The following MATR3 variants were observed in gnomAD, a reference collection of about 807,000 sequenced individuals.
MATR3 encodes the protein matrin 3, also known as matrin-3.
In MATR3, 4 loss-of-function variants were observed where a neutral mutation model predicts 85.5. That is an observed-to-expected ratio of 0.05 (90% confidence interval 0.02 to 0.11). The LOEUF (loss-of-function observed/expected upper bound fraction) is 0.11, where lower values mean the gene tolerates loss of function less well. Ranked by LOEUF, MATR3 falls within the 10% of genes least tolerant of loss-of-function variation. The pLI is 1.00. For synonymous variants in MATR3, 336 were observed against 343.1 expected (o/e 0.98, Z 0.23); for missense variants, 685 against 1,016.1 (o/e 0.67, Z 4.43).
At chr5:139,305,202 A>AT (rs1754646390) in intron 1 of MATR3, among the ~76,000 whole-genome samples, 1 of 152,108 alleles carries the variant, frequency 6.6e-6, no homozygotes, top group Non-Finnish European at 1.5e-5. Flanking sequence ...TTTTTCTGAC[A>AT]TTCATTTTCT....
chr5:139,308,387 A>G (rs1481437404), intron 2 of MATR3, 60 bp downstream of exon 2: 16 of 1,585,952 alleles, frequency 1.0e-5, no homozygotes, highest in Non-Finnish European at 1.4e-5. Context: ...ATTTACCTAT[A>G]TCTTTGACTC....
At chr5:139,298,293 T>G (rs1194363970) in intron 1 of MATR3, among the ~76,000 whole-genome samples, 1 of 152,190 alleles carries the variant, frequency 6.6e-6, no homozygotes, top group Non-Finnish European at 1.5e-5. Flanking sequence ...AACATTTGGC[T>G]GGGTGCAGTG....
At chr5:139,303,136 C>T (rs1754538047) in intron 1 of MATR3, among the ~76,000 whole-genome samples, 1 of 151,536 alleles carries the variant, frequency 6.6e-6, no homozygotes, top group South Asian at 2.1e-4. Flanking sequence ...GATGTTTGCT[C>T]TGTGGCCCAG....
intron 9 of MATR3, among the ~76,000 whole-genome samples, chr5:139,319,815 G>A (rs977755521): frequency 7.0e-6 from 1 of 143,030 alleles, no homozygotes; most frequent in Non-Finnish European, 1.5e-5. Context: ...CTGCACTCCA[G>A]CCTGGGCAGC....
In MATR3 at chr5:139,329,725, T is replaced by G; in HGVS notation, c.*330T>G. 1 of 459,286 alleles carries G rather than the reference T, an allele frequency of 2.2e-6. No individual in the cohort carries two copies. The highest frequency in any genetic ancestry group is 4.3e-6 in the Non-Finnish European group (1 of 230,338). 28.5% of individuals were successfully genotyped at this position (459,286 alleles called of 1,614,324 possible). A position where few individuals can be genotyped will look rare whatever the true frequency, so the allele number is the denominator to read the frequency against. ...AAAAATGAAATTTAGTAGTTCCAAG[T>G]TTCAAAGAAATGTCAACATTTTATT... On this transcript the variant is annotated 3_prime_UTR_variant, in exon 15 of 15. Coordinates refer to ENST00000394805, the MANE Select transcript of MATR3 (RefSeq NM_018834.6).
chr5:139,319,256 G>GTTTA (rs1755415990), intron 8 of MATR3, 78 bp from the exon 9 acceptor site: 1 of 1,440,434 alleles, frequency 6.9e-7, no homozygotes, highest in Admixed American at 1.7e-5. Flanking sequence ...TAAAACAATT[G>GTTTA]GTAAAGACTA....
chr5:139,314,346 A>C, intron 2 of MATR3: 2 of 332,252 alleles, frequency 6.0e-6, no homozygotes, highest in East Asian at 7.0e-5. Context: ...TTTGGTCCAC[A>C]GTAAAAATTA....
intron 7 of MATR3, among the ~76,000 whole-genome samples, chr5:139,318,692 G>C (rs1241679693): frequency 6.6e-6 from 1 of 152,250 alleles, no homozygotes; most frequent in African/African-American, 2.4e-5. Context: ...TGATCCGCCT[G>C]CCTCGGCCTC....
chr5:139,300,161 G>A (rs897174245), intron 1 of MATR3, among the ~76,000 whole-genome samples: 1 of 152,130 alleles, frequency 6.6e-6, no homozygotes, highest in African/African-American at 2.4e-5. Flanking sequence ...TCAGGAGTTC[G>A]AGACCAGTCT....
At chr5:139,299,099 A>C (rs897823600) in intron 1 of MATR3, among the ~76,000 whole-genome samples, 2 of 152,184 alleles carry the variant, frequency 1.3e-5, no homozygotes, top group African/African-American at 2.4e-5. Context: ...TGCTATGTAG[A>C]TTTATTTCCA....
chr5:139,275,125 G>T (rs946583916), intron 1 of MATR3, among the ~76,000 whole-genome samples: 19 of 138,850 alleles, frequency 1.4e-4, no homozygotes, highest in Non-Finnish European at 2.3e-4. Flanking sequence ...ACAGGTGCCC[G>T]CCACCACGCC....
At chr5:139,313,137 G>A (rs1310585266) in intron 2 of MATR3, 1 of 150,046 alleles carries the variant, frequency 6.7e-6, no homozygotes, top group African/African-American at 2.5e-5. Flanking sequence ...ATTTAGTTCA[G>A]CTCTCAGTGA....
chr5:139,285,836 T>A (rs1478340478), intron 3 of MATR3, among the ~76,000 whole-genome samples: 1 of 151,784 alleles, frequency 6.6e-6, no homozygotes, highest in Non-Finnish European at 1.5e-5. Flanking sequence ...AAAGAATCAA[T>A]GAACTTGAGA....
chr5:139,293,800 C>T lies in MATR3; in HGVS notation c.-183C>T, dbSNP rs1753977445. 5 of 402,710 alleles carry T rather than the reference C, an allele frequency of 1.2e-5. No individual in the cohort carries two copies. The East Asian group carries it at 1.8e-4, about 14-fold the overall frequency. The allele number at this position is 402,710 out of a possible 1,614,324, so 24.9% of individuals were successfully genotyped here. On this transcript the variant is annotated 5_prime_UTR_variant, in exon 1 of 15. Coordinates refer to ENST00000394805, the MANE Select transcript of MATR3 (RefSeq NM_018834.6). ...ACCTCTCCTTTTCCCTCTCCCTTTC[C>T]CTAAGGTAGGCGTGAAGCGGGTAAG...
rs1007298977 is a variant in MATR3 at position 139,330,817 on chromosome 5, A to C, written c.*1422A>C. On this transcript the variant is annotated 3_prime_UTR_variant, in exon 15 of 15. Transcript: ENST00000394805. The stretch of plus-strand genomic sequence containing the variant: ...GTAAACAATTTTTTTTTCTTCCCTG[A>C]CACAGGGTCTCACTCTGTCACCCAG... The C allele has an allele frequency of 2.2e-6, 1 of 454,070 alleles. No homozygotes were observed. The allele number at this position is 454,070 out of a possible 1,614,324, so 28.1% of individuals were successfully genotyped here.
intron 3 of MATR3, among the ~76,000 whole-genome samples, chr5:139,281,356 G>GTTTTT (rs1371325133): frequency 2.0e-5 from 2 of 101,034 alleles, no homozygotes; most frequent in Non-Finnish European, 4.0e-5. Context: ...TTTTTTTTTT[G>GTTTTT]TTTTTTTTTT....
At chr5:139,321,771 A>G (rs1351281548) in intron 9 of MATR3, 127 bp from the exon 10 acceptor site, 1 of 944,982 alleles carries the variant, frequency 1.1e-6, no homozygotes, top group Non-Finnish European at 1.6e-6. Flanking sequence ...TGACACAGTG[A>G]GACCCTGTCT....
At chr5:139,287,668 C>A (rs1329774602) in intron 3 of MATR3, among the ~76,000 whole-genome samples, 4 of 152,066 alleles carry the variant, frequency 2.6e-5, no homozygotes, top group Admixed American at 6.6e-5. Flanking sequence ...GTCACTTAGA[C>A]CTTTCAAAGT....
intron 7 of MATR3, 111 bp downstream of exon 7, chr5:139,317,832 T>G (rs1755331315): frequency 9.2e-7 from 1 of 1,090,078 alleles, no homozygotes; most frequent in African/African-American, 1.6e-5. Context: ...ATCTTAAGTT[T>G]ATCAAATGCA....
Sources: allele counts gnomAD v4.1 joint callset (sites outside exome capture counted in the v4.1 genomes callset), GRCh38; gene constraint gnomAD v4.1.1; transcripts MANE v1.5; gene names NCBI Gene and HGNC (gene_info 2026-07-23, HGNC 2026-07-21).